SNTB2: variants seen among roughly 807,000 people sequenced by gnomAD.
The protein encoded by SNTB2 is syntrophin beta 2.
In SNTB2, 34 loss-of-function variants were observed where a neutral mutation model predicts 46.2. The observed-to-expected ratio is 0.74, with a 90% CI of 0.56 to 0.98. The LOEUF (loss-of-function observed/expected upper bound fraction) is 0.98, where lower values mean the gene tolerates loss of function less well. Ranked by LOEUF, SNTB2 falls within the 50% of genes least tolerant of loss-of-function variation. SNTB2 has a pLI of 0.00. For missense variants in SNTB2, 603 were observed against 731.4 expected, an observed-to-expected ratio of 0.82 and a Z score of 2.02; for synonymous variants, 290 against 312.6, an observed-to-expected ratio of 0.93 and a Z score of 0.76.
intron 2 of SNTB2, among the ~76,000 whole-genome samples, chr16:69,256,864 A>G (rs557995038): frequency 4.6e-5 from 7 of 152,144 alleles, no homozygotes; most frequent in African/African-American, 1.4e-4. Context: ...AAATGATTCT[A>G]TGTTATTAAT....
At chr16:69,230,091 G>A (rs1395522169) in intron 1 of SNTB2, among the ~76,000 whole-genome samples, 2 of 150,960 alleles carry the variant, frequency 1.3e-5, no homozygotes, top group Non-Finnish European at 3.0e-5. Flanking sequence ...CTGGCCCGAT[G>A]GCATGTATTT....
At position 69,292,395 on chromosome 16, in the gene SNTB2, T is replaced by TC. The variant is rs1567416426; in HGVS notation, c.1346-7195_1346-7194insC. On this transcript the variant is annotated intron_variant, in intron 5 of 6. Coordinates refer to ENST00000336278, the MANE Select transcript of SNTB2 (RefSeq NM_006750.4). Reference sequence around the variant, plus strand: ...ATATATATATTATATATATATTATATATATATATATATTATATATATATTA... The same window carrying TC: ...ATATATATATTATATATATATTATATCATATATATATATTATATATATATTA... Among the ~76,000 whole-genome samples the TC allele has an allele frequency of 6.9e-5, 2 of 28,820 alleles. 1 individual carries two copies. The highest frequency in any genetic ancestry group is 1.1e-4 in the Non-Finnish European group (2 of 18,450). The allele number at this position is 28,820 out of a possible 152,430, so 18.9% of individuals were successfully genotyped here.
chr16:69,229,487 T>C (rs1964486377), intron 1 of SNTB2, among the ~76,000 whole-genome samples: 1 of 150,526 alleles, frequency 6.6e-6, no homozygotes, highest in Admixed American at 6.6e-5. Flanking sequence ...TTTTTTTTTT[T>C]TTTTTTAAGA....
chr16:69,292,409 ATATATATATTATATATATATATATATT>A (rs1965177736), intron 5 of SNTB2, among the ~76,000 whole-genome samples: 2 of 18,924 alleles, frequency 1.1e-4, no homozygotes, highest in East Asian at 1.1e-3. Context: ...TATATATATT[ATATATATATTATATATATATATATATT>A]ATATATATAT....
rs973961432 is a variant in SNTB2, at chr16:69,288,580, A to G, written c.1345+4336A>G. 3.3e-5 allele frequency among the ~76,000 whole-genome samples: 5 copies of G among 152,156 alleles called. No individual in the cohort carries two copies. In the East Asian group the frequency reaches 5.8e-4, roughly 18 times the overall value. On this transcript the variant is annotated intron_variant, in intron 5 of 6. Transcript: ENST00000336278. Reference sequence around the variant, plus strand: ...TGCAGAGAAAAGCAAACTCTTATACACTGTTGGTGGGAATGTAAATCAGTA... The same window carrying G: ...TGCAGAGAAAAGCAAACTCTTATACGCTGTTGGTGGGAATGTAAATCAGTA...
At chr16:69,289,060 A>C (rs1373784996) in intron 5 of SNTB2, among the ~76,000 whole-genome samples, 2 of 152,080 alleles carry the variant, frequency 1.3e-5, no homozygotes, top group Admixed American at 6.6e-5. Flanking sequence ...ACCTGAGGTC[A>C]GGAGTTCGAG....
intron 1 of SNTB2, among the ~76,000 whole-genome samples, chr16:69,210,133 C>T (rs948990433): frequency 1.3e-5 from 2 of 150,708 alleles, no homozygotes; most frequent in South Asian, 2.1e-4. Context: ...AAGCAATTCT[C>T]CTGCCTCACC....
Position 69,265,696 on chromosome 16 carries a change from G to A in SNTB2, c.1006-4447G>A, listed in dbSNP as rs190287326. ...ACAAAACTTAGCTGGACGTGGTGGCGGGCACCTGTAATCCCAGCTACTCAG... is the reference window on the plus strand; with the variant it reads ...ACAAAACTTAGCTGGACGTGGTGGCAGGCACCTGTAATCCCAGCTACTCAG... On this transcript the variant is annotated intron_variant, in intron 3 of 6. Coordinates refer to ENST00000336278, the MANE Select transcript of SNTB2 (RefSeq NM_006750.4). Among the ~76,000 whole-genome samples the A allele has an allele frequency of 3.0e-4, 45 of 151,724 alleles. 1 individual carries two copies. In the East Asian group the frequency reaches 8.0e-3, roughly 27 times the overall value.
chr16:69,278,199 C>G (rs1965000070), intron 4 of SNTB2, among the ~76,000 whole-genome samples: 1 of 152,024 alleles, frequency 6.6e-6, no homozygotes, highest in Admixed American at 6.6e-5. Context: ...TGCCTATAGT[C>G]CTAGCTACTC....
intron 2 of SNTB2, among the ~76,000 whole-genome samples, chr16:69,247,049 A>T (rs866636386): frequency 7.1e-6 from 1 of 139,896 alleles, no homozygotes; most frequent in African/African-American, 2.7e-5. Context: ...AAAGTATAAT[A>T]AAAAAAATAT....
chr16:69,195,787 C>T (rs933020196), intron 1 of SNTB2, among the ~76,000 whole-genome samples: 1 of 152,134 alleles, frequency 6.6e-6, no homozygotes, highest in African/African-American at 2.4e-5. Context: ...GCCAGTTCCT[C>T]GGACCTATCA....
chr16:69,235,240 A>C (rs111322138), intron 1 of SNTB2, among the ~76,000 whole-genome samples: 2 of 151,998 alleles, frequency 1.3e-5, no homozygotes, highest in Non-Finnish European at 2.9e-5. Context: ...CCGGACTTCA[A>C]CTTGGTTCCG....
intron 1 of SNTB2, among the ~76,000 whole-genome samples, chr16:69,232,366 C>T (rs1160135650): frequency 2.6e-5 from 4 of 151,072 alleles, no homozygotes; most frequent in East Asian, 1.9e-4. Flanking sequence ...CCACCACGCC[C>T]GGCTAATTTT....
At chr16:69,201,157 TAATA>T (rs1964157666) in intron 1 of SNTB2, among the ~76,000 whole-genome samples, 2 of 152,198 alleles carry the variant, frequency 1.3e-5, no homozygotes, top group South Asian at 4.1e-4. Context: ...CCACCTGAAA[TAATA>T]AATATTACAT....
chr16:69,237,976 A>C (rs959935077), intron 1 of SNTB2, among the ~76,000 whole-genome samples: 1 of 152,054 alleles, frequency 6.6e-6, no homozygotes, highest in Non-Finnish European at 1.5e-5. Flanking sequence ...CCAGCCCTTT[A>C]ATAGTGGAGT....
chr16:69,187,511 G>C lies in SNTB2; in HGVS notation c.345G>C (p.Arg115=), dbSNP rs1212205310. 46 of 1,319,080 alleles carry C rather than the reference G, an allele frequency of 3.5e-5. No homozygotes were observed. The highest frequency in any genetic ancestry group is 4.5e-5 in the Non-Finnish European group (46 of 1,023,732). 81.7% of individuals were successfully genotyped at this position (1,319,080 alleles called of 1,614,324 possible). A position where few individuals can be genotyped will look rare whatever the true frequency, so the allele number is the denominator to read the frequency against. ...GEAGASPPVR[R]VRVVKQEAGG... ...CGGGCGCGTCGCCGCCCGTGCGCCG[G>C]GTGCGGGTGGTGAAGCAAGAGGCGG... The change falls in exon 1 of 7, where the codon CGG becomes CGC. Residue 115 remains arginine (R), a synonymous_variant. Transcript: ENST00000336278.
At chr16:69,218,492 G>T (rs1964370433) in intron 1 of SNTB2, among the ~76,000 whole-genome samples, 1 of 151,478 alleles carries the variant, frequency 6.6e-6, no homozygotes, top group South Asian at 2.1e-4. Context: ...CACGATCTCG[G>T]CTCACTGCAA....
At chr16:69,207,223 C>T (rs917084364) in intron 1 of SNTB2, among the ~76,000 whole-genome samples, 1 of 131,254 alleles carries the variant, frequency 7.6e-6, no homozygotes, top group Non-Finnish European at 1.6e-5. Context: ...GGCGCAATAT[C>T]GGCTCACTGC....
intron 4 of SNTB2, among the ~76,000 whole-genome samples, chr16:69,281,470 A>C (rs918516410): frequency 4.0e-5 from 6 of 150,428 alleles, no homozygotes; most frequent in Admixed American, 6.6e-5. Flanking sequence ...TTTTGTGAAA[A>C]GTATGTAAGG....
Sources: allele counts gnomAD v4.1 joint callset (sites outside exome capture counted in the v4.1 genomes callset), GRCh38; gene constraint gnomAD v4.1.1; transcripts MANE v1.5; gene names NCBI Gene and HGNC (gene_info 2026-07-23, HGNC 2026-07-21).